The following TRPS1 variants were observed in gnomAD, a reference collection of about 807,000 sequenced individuals.
TRPS1 encodes the protein transcriptional repressor GATA binding 1, also known as zinc finger transcription factor Trps1.
In TRPS1, 6 loss-of-function variants were observed where a neutral mutation model predicts 101.2. The ratio of observed to expected loss-of-function variants is 0.06; its 90% CI spans 0.03 to 0.12. The LOEUF (loss-of-function observed/expected upper bound fraction) is 0.12, where lower values mean the gene tolerates loss of function less well. Ranked by LOEUF, TRPS1 falls within the 10% of genes least tolerant of loss-of-function variation. The pLI is 1.00. For missense variants in TRPS1, 1,363 were observed against 1,567.0 expected, an observed-to-expected ratio of 0.87 and a Z score of 2.20; for synonymous variants, 578 against 589.8, an observed-to-expected ratio of 0.98 and a Z score of 0.29.
chr8:115,475,824 A>G (rs1478247187), intron 5 of TRPS1, among the ~76,000 whole-genome samples: 1 of 152,166 alleles, frequency 6.6e-6, no homozygotes, highest in Non-Finnish European at 1.5e-5. Flanking sequence ...GGAGTTCTAC[A>G]TCCATCACAT....
intron 5 of TRPS1, among the ~76,000 whole-genome samples, chr8:115,494,094 T>C (rs983310316): frequency 6.6e-6 from 1 of 152,194 alleles, no homozygotes; most frequent in Non-Finnish European, 1.5e-5. Flanking sequence ...TGAACTCCAG[T>C]GTCCATGGCA....
chr8:115,512,686 C>G (rs1815615709), intron 5 of TRPS1, among the ~76,000 whole-genome samples: 1 of 151,500 alleles, frequency 6.6e-6, no homozygotes, highest in Non-Finnish European at 1.5e-5. Context: ...CTATCATACT[C>G]TTAGATTTTG....
At chr8:115,499,069 T>A (rs907801512) in intron 5 of TRPS1, among the ~76,000 whole-genome samples, 1 of 152,186 alleles carries the variant, frequency 6.6e-6, no homozygotes, top group Non-Finnish European at 1.5e-5. Context: ...TTTTTATGTC[T>A]CAAGCAGAAC....
At chr8:115,540,429 C>A (rs1272298251) in intron 5 of TRPS1, among the ~76,000 whole-genome samples, 8 of 152,036 alleles carry the variant, frequency 5.3e-5, no homozygotes, top group Non-Finnish European at 1.2e-4. Context: ...AGTCCAGCAA[C>A]AAAGAATTTA....
chr8:115,583,944 A>C (rs181615091), intron 5 of TRPS1, among the ~76,000 whole-genome samples: 1 of 152,162 alleles, frequency 6.6e-6, no homozygotes, highest in African/African-American at 2.4e-5. Context: ...TGAAGAGAAC[A>C]TTTCGAAATT....
At chr8:115,436,943 A>G (rs1290251983) in intron 5 of TRPS1, among the ~76,000 whole-genome samples, 2 of 152,116 alleles carry the variant, frequency 1.3e-5, no homozygotes, top group African/African-American at 4.8e-5. Flanking sequence ...AAAAAAGTCA[A>G]TACATTTCAT....
intron 5 of TRPS1, among the ~76,000 whole-genome samples, chr8:115,499,924 TTTC>T (rs1435861623): frequency 3.4e-5 from 3 of 88,002 alleles, no homozygotes; most frequent in Non-Finnish European, 7.0e-5. Context: ...AATTTCTTTC[TTTC>T]TTTCTTTCTT....
chr8:115,426,257 G>C (rs956328952), intron 5 of TRPS1, among the ~76,000 whole-genome samples: 1 of 152,100 alleles, frequency 6.6e-6, no homozygotes, highest in African/African-American at 2.4e-5. Context: ...ACTTCAGTGT[G>C]ACAGCACAAG....
chr8:115,415,125 AAAATACATTAAAATGCATT>A (rs760250702), intron 6 of TRPS1, 41 bp from the exon 7 acceptor site: 309 of 1,548,786 alleles, frequency 2.0e-4, no homozygotes, highest in Non-Finnish European at 2.5e-4. Context: ...AAAACATTAA[AAAATACATTAAAATGCATT>A]AAAAATTCCT....
chr8:115,520,592 G>C lies in TRPS1; in HGVS notation c.2700+66409C>G, dbSNP rs935050035. On this transcript the variant is annotated intron_variant, in intron 5 of 6. Transcript: ENST00000395715. ...AAATTATGCAAAACTTGGAAATTAG[G>C]CAAAAAATAAAAATGTAGGTGGCAT... Among the ~76,000 whole-genome samples, 75 of 151,536 alleles carry C rather than the reference G, an allele frequency of 4.9e-4. 1 individual carries two copies. The highest frequency in any genetic ancestry group is 1.6e-3 in the African/African-American group (67 of 41,358).
chr8:115,662,141 T>C (rs1345282205), intron 1 of TRPS1, among the ~76,000 whole-genome samples: 1 of 151,674 alleles, frequency 6.6e-6, no homozygotes, highest in Non-Finnish European at 1.5e-5. Context: ...TGAACTAGAG[T>C]CTGTAACTCT....
At chr8:115,475,904 AAAGT>A (rs1320739752) in intron 5 of TRPS1, among the ~76,000 whole-genome samples, 2 of 152,236 alleles carry the variant, frequency 1.3e-5, no homozygotes, top group Admixed American at 1.3e-4. Context: ...TGAAGCACAG[AAAGT>A]AAGCAACAAA....
At chr8:115,601,793 A>G (rs1190138777) in intron 4 of TRPS1, among the ~76,000 whole-genome samples, 1 of 152,204 alleles carries the variant, frequency 6.6e-6, no homozygotes, top group Non-Finnish European at 1.5e-5. Context: ...CAGCTTATTC[A>G]TAACTACTGT....
At chr8:115,636,123 C>T (rs1271554921) in intron 1 of TRPS1, among the ~76,000 whole-genome samples, 1 of 151,446 alleles carries the variant, frequency 6.6e-6, no homozygotes, top group African/African-American at 2.4e-5. Context: ...TAAATATAAC[C>T]CTGTAAATAT....
At chr8:115,645,609 T>G (rs1158836380) in intron 1 of TRPS1, among the ~76,000 whole-genome samples, 1 of 152,144 alleles carries the variant, frequency 6.6e-6, no homozygotes, top group Admixed American at 6.6e-5. Context: ...GGAAAAAATT[T>G]CATGAAATTA....
At chr8:115,491,508 C>T (rs1815020200) in intron 5 of TRPS1, among the ~76,000 whole-genome samples, 1 of 151,994 alleles carries the variant, frequency 6.6e-6, no homozygotes. Context: ...AGTGTGCTGG[C>T]GTATGCCTGT....
Position 115,409,261 on chromosome 8 carries a change from G to GCAAAAAAAAA in TRPS1, c.*4761_*4762insTTTTTTTTTG, listed in dbSNP as rs886062602. The GCAAAAAAAAA allele has an allele frequency of 9.8e-6, 1 of 102,262 alleles. No individual in the cohort carries two copies. Among genetic ancestry groups the GCAAAAAAAAA allele is most frequent in the African/African-American group, 4.0e-5 (1 of 24,726 alleles). The allele number at this position is 102,262 out of a possible 1,614,324, so 6.3% of individuals were successfully genotyped here. A position where few individuals can be genotyped will look rare whatever the true frequency, so the allele number is the denominator to read the frequency against. On this transcript the variant is annotated 3_prime_UTR_variant, in exon 7 of 7. Coordinates refer to ENST00000395715, the MANE Select transcript of TRPS1 (RefSeq NM_014112.5). ...TGATATGCTGCAGTTTATATGTTGG[G>GCAAAAAAAAA]AAAAAAAAAAAAAAAAAAAACAGGG...
intron 5 of TRPS1, among the ~76,000 whole-genome samples, chr8:115,514,211 T>C (rs1196944938): frequency 6.6e-6 from 1 of 151,706 alleles, no homozygotes; most frequent in Non-Finnish European, 1.5e-5. Flanking sequence ...AAAGAAAGAA[T>C]TAAAGAAGAC....
At chr8:115,474,633 T>G (rs1375186099) in intron 5 of TRPS1, among the ~76,000 whole-genome samples, 1 of 152,116 alleles carries the variant, frequency 6.6e-6, no homozygotes, top group African/African-American at 2.4e-5. Flanking sequence ...TGAGTAATAT[T>G]ATGTTCAATG....
Sources: allele counts gnomAD v4.1 joint callset (sites outside exome capture counted in the v4.1 genomes callset), GRCh38; gene constraint gnomAD v4.1.1; transcripts MANE v1.5; gene names NCBI Gene and HGNC (gene_info 2026-07-23, HGNC 2026-07-21).